The following NDST3 variants were observed in gnomAD, a reference collection of about 807,000 sequenced individuals.
NDST3 encodes the protein N-deacetylase and N-sulfotransferase 3.
In NDST3, 58 loss-of-function variants were observed where a neutral mutation model predicts 96.1. The observed-to-expected ratio is 0.60, with a 90% confidence interval of 0.49 to 0.75. The LOEUF is 0.75. Among genes scored for constraint, NDST3 ranks in the 30% least tolerant of loss-of-function variants. The probability of loss-of-function intolerance (pLI) is 0.00; values close to 1 mark genes in which losing one functional copy is unlikely to be tolerated. For synonymous variants in NDST3, 333 were observed against 359.7 expected, an observed-to-expected ratio of 0.93 and a Z score of 0.84; for missense variants, 788 against 1,034.2, an observed-to-expected ratio of 0.76 and a Z score of 3.27.
chr4:118,174,102 AT>A (rs34452190), intron 6 of NDST3, among the ~76,000 whole-genome samples: 17,034 of 152,200 alleles, frequency 0.11, 1,976 homozygotes, highest in African/African-American at 0.29. Context: ...TATAAACATA[AT>A]TTTTTGTGGT....
chr4:118,051,314 A>G (rs1725064826), intron 1 of NDST3, among the ~76,000 whole-genome samples: 1 of 152,174 alleles, frequency 6.6e-6, no homozygotes, highest in Admixed American at 6.5e-5. Context: ...TTAGAAGTAA[A>G]TCTAAGAAAT....
At chr4:118,105,194 A>C (rs1355455714) in intron 3 of NDST3, 89 bp downstream of exon 3, 4 of 860,128 alleles carry the variant, frequency 4.7e-6, no homozygotes, top group Non-Finnish European at 7.4e-6. Flanking sequence ...ACTGTCCTAC[A>C]TTCCCTATGT....
intron 6 of NDST3, among the ~76,000 whole-genome samples, chr4:118,185,113 A>G (rs969605885): frequency 6.6e-5 from 10 of 152,220 alleles, no homozygotes; most frequent in Admixed American, 2.6e-4. Flanking sequence ...GTTTAATAAC[A>G]TCAAAGAATG....
intron 4 of NDST3, among the ~76,000 whole-genome samples, chr4:118,115,289 T>C (rs1730996787): frequency 6.6e-6 from 1 of 152,126 alleles, no homozygotes; most frequent in Non-Finnish European, 1.5e-5. Flanking sequence ...TGTTAAACAA[T>C]TCCCCAACAA....
In NDST3 at chr4:118,258,136, T is replaced by A. The variant is rs138548624; in HGVS notation, c.*2424T>A. On this transcript the variant is annotated 3_prime_UTR_variant, in exon 14 of 14. Transcript: ENST00000296499. Reference sequence around the variant, plus strand: ...AACACTTCATCCTTTTAAATAGATGTCAAAAACATACTCCGTGTTTGTATA... The same window carrying A: ...AACACTTCATCCTTTTAAATAGATGACAAAAACATACTCCGTGTTTGTATA... The A allele has an allele frequency of 2.0e-5, 3 of 152,290 alleles. No individual in the cohort carries two copies. The highest frequency in any genetic ancestry group is 7.2e-5 in the African/African-American group (3 of 41,568). 9.4% of individuals were successfully genotyped at this position (152,290 alleles called of 1,614,324 possible). A position where few individuals can be genotyped will look rare whatever the true frequency, so the allele number is the denominator to read the frequency against.
At chr4:118,045,666 A>T (rs2110432780) in intron 1 of NDST3, among the ~76,000 whole-genome samples, 1 of 152,350 alleles carries the variant, frequency 6.6e-6, no homozygotes, top group East Asian at 1.9e-4. Context: ...TTTATGTCAT[A>T]GAATTTTGGA....
At chr4:118,163,684 T>C (rs1735354858) in intron 6 of NDST3, among the ~76,000 whole-genome samples, 4 of 152,008 alleles carry the variant, frequency 2.6e-5, no homozygotes, top group Non-Finnish European at 2.9e-5. Flanking sequence ...CACACCAGCA[T>C]GGCACATGTA....
chr4:118,255,905 C>G lies in NDST3; in HGVS notation c.*193C>G. ...TGTTACAAGCCTTGAGGCCTGTGGC[C>G]TTTCTCTTAACCCATATCTGAGCCT... On this transcript the variant is annotated 3_prime_UTR_variant, in exon 14 of 14. Coordinates refer to ENST00000296499, the MANE Select transcript of NDST3 (RefSeq NM_004784.3). 2 of 544,416 alleles carry G rather than the reference C, an allele frequency of 3.7e-6. No homozygotes were observed. Among genetic ancestry groups the G allele is most frequent in the Non-Finnish European group, 6.0e-6 (2 of 334,398 alleles). The allele number at this position is 544,416 out of a possible 1,614,324, so 33.7% of individuals were successfully genotyped here. A position where few individuals can be genotyped will look rare whatever the true frequency, so the allele number is the denominator to read the frequency against.
intron 1 of NDST3, among the ~76,000 whole-genome samples, chr4:118,046,085 T>G (rs1030638559): frequency 2.0e-5 from 3 of 151,628 alleles, no homozygotes; most frequent in African/African-American, 7.3e-5. Flanking sequence ...TTAAAGTAGA[T>G]GGAGATGCAA....
chr4:118,144,186 CTT>C (rs112629601), intron 6 of NDST3, among the ~76,000 whole-genome samples: 1 of 146,330 alleles, frequency 6.8e-6, no homozygotes, highest in African/African-American at 2.5e-5. Context: ...TAATGGGCTA[CTT>C]TTTTTTTTTT....
rs750854158 is a variant in NDST3 at position 118,138,157 on chromosome 4, A to G, written c.1328A>G (p.Asn443Ser). The G allele has an allele frequency of 6.2e-7, 1 of 1,614,062 alleles. No individual in the cohort carries two copies. The highest frequency in any genetic ancestry group is 1.1e-5 in the South Asian group (1 of 91,082). The change falls in exon 5 of 14, where the codon AAT becomes AGT. Residue 443 changes from asparagine (N) to serine (S), a missense_variant. Physicochemically the swap from Asn to Ser is conservative, Grantham distance 46. Coordinates refer to ENST00000296499, the MANE Select transcript of NDST3 (RefSeq NM_004784.3). ...TATGAGGCCTGGAAGAAGGTCTGGA[A>G]TATTAAAATCACCAGCACTGAAGAA... is the stretch of plus-strand genomic sequence containing the variant. Reference protein sequence around the residue: ...QLYEAWKKVWNIKITSTEEYP... With the variant: ...QLYEAWKKVWSIKITSTEEYP...
At chr4:118,193,247 G>A (rs1208838108) in intron 6 of NDST3, among the ~76,000 whole-genome samples, 1 of 152,184 alleles carries the variant, frequency 6.6e-6, no homozygotes, top group African/African-American at 2.4e-5. Context: ...CAATCTCCCA[G>A]CCTACTCCTT....
chr4:118,236,062 A>G (rs1431081286), intron 9 of NDST3, among the ~76,000 whole-genome samples: 2 of 152,236 alleles, frequency 1.3e-5, no homozygotes, highest in Non-Finnish European at 2.9e-5. Context: ...TTGCATGAAT[A>G]TTAATGACTT....
At chr4:118,132,264 GT>G (rs1233928191) in intron 4 of NDST3, among the ~76,000 whole-genome samples, 1 of 152,172 alleles carries the variant, frequency 6.6e-6, no homozygotes, top group East Asian at 1.9e-4. Flanking sequence ...GGCTAAGCTA[GT>G]ACTAAAACCA....
At chr4:118,147,935 T>A (rs754901077) in intron 6 of NDST3, among the ~76,000 whole-genome samples, 2 of 152,164 alleles carry the variant, frequency 1.3e-5, no homozygotes, top group African/African-American at 2.4e-5. Flanking sequence ...TTGCCTCCCT[T>A]CAACATGCTT....
At chr4:118,162,177 A>C (rs1213539566) in intron 6 of NDST3, among the ~76,000 whole-genome samples, 5 of 152,200 alleles carry the variant, frequency 3.3e-5, no homozygotes, top group Non-Finnish European at 7.3e-5. Context: ...CATACTGCCC[A>C]AGGTAATTTA....
chr4:118,251,172 G>A (rs1439260672), intron 12 of NDST3, among the ~76,000 whole-genome samples: 1 of 141,138 alleles, frequency 7.1e-6, no homozygotes, highest in Non-Finnish European at 1.5e-5. Context: ...TGTCACCCAG[G>A]CTGGAGTGCA....
In NDST3 at chr4:118,120,054, T is replaced by G. The variant is rs540918354; in HGVS notation, c.1224+5094T>G. Among the ~76,000 whole-genome samples the G allele has an allele frequency of 4.6e-5, 7 of 152,292 alleles. No individual in the cohort carries two copies. In the East Asian group the frequency reaches 1.3e-3, roughly 29 times the overall value. On this transcript the variant is annotated intron_variant, in intron 4 of 13. Transcript: ENST00000296499. ...TTTAAGAAGTAGAGTTCTTCCAATC[T>G]AGATAAGTTATGTATAGAGAATGGT...
intron 2 of NDST3, among the ~76,000 whole-genome samples, chr4:118,072,968 CATTA>C (rs1727208036): frequency 6.6e-6 from 1 of 152,174 alleles, no homozygotes; most frequent in Non-Finnish European, 1.5e-5. Context: ...AGCTTTTCTG[CATTA>C]ATTGAGATAA....
Sources: allele counts gnomAD v4.1 joint callset (sites outside exome capture counted in the v4.1 genomes callset), GRCh38; gene constraint gnomAD v4.1.1; transcripts MANE v1.5; gene names NCBI Gene and HGNC (gene_info 2026-07-23, HGNC 2026-07-21).